Variants in USH2A observed in about 807,000 individuals in gnomAD.
The protein encoded by USH2A is Usher syndrome 2A (autosomal recessive, mild).
USH2A carries 443 observed loss-of-function variants against 538.9 expected under a neutral mutation model. That is an observed-to-expected ratio of 0.82 (90% confidence interval 0.76 to 0.89). The LOEUF (loss-of-function observed/expected upper bound fraction) is 0.89, where lower values mean the gene tolerates loss of function less well. Ranked by LOEUF, USH2A falls within the 40% of genes least tolerant of loss-of-function variation. The pLI, the probability that USH2A is intolerant of heterozygous loss-of-function variation, is 0.00. For missense variants in USH2A, 6,633 were observed against 6,324.8 expected, an observed-to-expected ratio of 1.05 and a Z score of -1.65; for synonymous variants, 2,413 against 2,273.5, an observed-to-expected ratio of 1.06 and a Z score of -1.75.
At chr1:215,846,159 T>TAA (rs974811910) in intron 44 of USH2A, 126 bp from the exon 45 acceptor site, 5 of 871,466 alleles carry the variant, frequency 5.7e-6, no homozygotes, top group Admixed American at 4.8e-5. Context: ...TTGGAAATGT[T>TAA]AAAAAAAGCT....
At chr1:215,654,129 C>T (rs1657166342) in intron 64 of USH2A, among the ~76,000 whole-genome samples, 1 of 152,068 alleles carries the variant, frequency 6.6e-6, no homozygotes. Context: ...TTGATTTATT[C>T]AGGATATTTT....
At chr1:215,813,676 C>A in intron 49 of USH2A, 60 bp downstream of exon 49, 1 of 1,608,932 alleles carries the variant, frequency 6.2e-7, no homozygotes, top group Non-Finnish European at 8.5e-7. Context: ...CTGACATGAA[C>A]CACGTGTTTA....
At position 215,665,691 on chromosome 1, in the gene USH2A, C is replaced by G. The variant is rs976918022; in HGVS notation, c.14133+5281G>C. ...TGCTGCTAAACAGTTAAGAACTGCT[C>G]CACATAGAATTTGGAGGTTCACACT... On this transcript the variant is annotated intron_variant, in intron 64 of 71. Transcript: ENST00000307340. Among the ~76,000 whole-genome samples the G allele has an allele frequency of 2.6e-5, 4 of 152,142 alleles. 1 individual carries two copies. The highest frequency in any genetic ancestry group is 5.9e-5 in the Non-Finnish European group (4 of 68,026).
chr1:216,228,827 A>C (rs1247492500), intron 14 of USH2A, among the ~76,000 whole-genome samples: 1 of 152,198 alleles, frequency 6.6e-6, no homozygotes, highest in African/African-American at 2.4e-5. Context: ...TCAATATAAC[A>C]GGAGCCAACT....
At chr1:215,673,934 T>C (rs570823906) in intron 63 of USH2A, among the ~76,000 whole-genome samples, 166 bp downstream of exon 63, 1 of 152,226 alleles carries the variant, frequency 6.6e-6, no homozygotes, top group African/African-American at 2.4e-5. Context: ...AAGCAGGCTT[T>C]GCTTGGGTGA....
At chr1:216,007,187 G>A (rs1668414228) in intron 32 of USH2A, among the ~76,000 whole-genome samples, 1 of 152,116 alleles carries the variant, frequency 6.6e-6, no homozygotes, top group South Asian at 2.1e-4. Flanking sequence ...ACATGCAACT[G>A]TAAGTCCATT....
chr1:215,768,351 C>T lies in USH2A; in HGVS notation c.10940-1563G>A, dbSNP rs184761437. ...AGGCACAAAGTGTGTGTTCGTTAAA[C>T]GAATGAAAAAATTACCCATCTCATC... is the stretch of plus-strand genomic sequence containing the variant. On this transcript the variant is annotated intron_variant, in intron 55 of 71. Transcript: ENST00000307340. Among the ~76,000 whole-genome samples, 229 of 152,240 alleles carry T rather than the reference C, an allele frequency of 1.5e-3. 1 individual carries two copies. The highest frequency in any genetic ancestry group is 1.8e-3 in the Non-Finnish European group (120 of 68,016).
intron 4 of USH2A, among the ~76,000 whole-genome samples, chr1:216,350,511 C>A (rs564902651): frequency 6.6e-5 from 10 of 152,070 alleles, no homozygotes; most frequent in Admixed American, 3.3e-4. Context: ...CCATTCCAAA[C>A]GGGATAAATC....
rs376663870 is a variant in USH2A at position 216,083,010 on chromosome 1, C to T, written c.5298+446G>A. 7.9e-5 allele frequency among the ~76,000 whole-genome samples: 12 copies of T among 152,134 alleles called. 1 individual carries two copies. Among genetic ancestry groups the T allele is most frequent in the Admixed American group, 2.0e-4 (3 of 15,260 alleles). On this transcript the variant is annotated intron_variant, in intron 26 of 71. Transcript: ENST00000307340. ...GGAGATGGAAACAAGATAGGAAAGA[C>T]TTTATAGATAGACCAAAAATGATAA...
chr1:216,351,672 G>A (rs2038289930), intron 4 of USH2A, among the ~76,000 whole-genome samples: 1 of 147,922 alleles, frequency 6.8e-6, no homozygotes, highest in South Asian at 2.1e-4. Flanking sequence ...AATTATGGCT[G>A]CTGTGTTGAG....
intron 30 of USH2A, among the ~76,000 whole-genome samples, chr1:216,067,945 G>A (rs1031544635): frequency 2.0e-5 from 3 of 151,966 alleles, no homozygotes; most frequent in African/African-American, 4.8e-5. Context: ...AAGAGAAGAC[G>A]GCCCAGTTCT....
chr1:215,741,335 T>C (rs1243677770), intron 60 of USH2A, 40 bp downstream of exon 60: 2 of 1,607,472 alleles, frequency 1.2e-6, no homozygotes, highest in African/African-American at 2.7e-5. Flanking sequence ...GCAGTACGCA[T>C]TCTTAAATAA....
At chr1:215,792,186 T>C (rs1466774007) in intron 50 of USH2A, among the ~76,000 whole-genome samples, 1 of 152,190 alleles carries the variant, frequency 6.6e-6, no homozygotes, top group Non-Finnish European at 1.5e-5. Context: ...TTGACCTAAT[T>C]TGAAACTCCT....
At chr1:215,650,897 CA>C in intron 64 of USH2A, 96 bp from the exon 65 acceptor site, 1 of 1,350,662 alleles carries the variant, frequency 7.4e-7, no homozygotes, top group Non-Finnish European at 1.0e-6. Flanking sequence ...AATTGGCAAC[CA>C]AAAGCAACTA....
At position 215,728,220 on chromosome 1, in the gene USH2A, T is replaced by C. The variant is rs1265476962; in HGVS notation, c.11876A>G (p.Gln3959Arg). Residue 3959 changes from glutamine (Q) to arginine (R), a missense_variant, in exon 61 of 72, where the codon CAA becomes CGA. Transcript: ENST00000307340. ...GSVESLWSLT[Q>R]TLEAPPQDFP... is the part of the protein sequence containing the mutation. The stretch of plus-strand genomic sequence containing the variant: ...ATCTTGAGGTGGAGCTTCCAGAGTT[T>C]GTGTTAATGACCACAGACTCTCCAC... The C allele has an allele frequency of 3.1e-6, 5 of 1,614,104 alleles. No homozygotes were observed. Among genetic ancestry groups the C allele is most frequent in the South Asian group, 2.2e-5 (2 of 91,088 alleles).
chr1:215,649,304 C>A (rs1656970117), intron 65 of USH2A, among the ~76,000 whole-genome samples: 5 of 152,142 alleles, frequency 3.3e-5, no homozygotes, highest in Admixed American at 3.3e-4. Context: ...TTGGTTTTTA[C>A]AAAATATCAT....
In USH2A at chr1:216,251,020, G is replaced by C; in HGVS notation, c.2050C>G (p.Gln684Glu). 1 of 1,614,042 alleles carries C rather than the reference G, an allele frequency of 6.2e-7. No individual in the cohort carries two copies. The highest frequency in any genetic ancestry group is 8.5e-7 in the Non-Finnish European group (1 of 1,179,990). The part of the protein sequence containing the change: ...NQCQNGFYNL[Q>E]ELDPDGCSPC... Reference sequence around the variant, plus strand: ...CTGCAGCCATCAGGATCCAACTCTTGTAGATTGTAGAATCCATTCTGGCAC... The same window carrying C: ...CTGCAGCCATCAGGATCCAACTCTTCTAGATTGTAGAATCCATTCTGGCAC... Residue 684 changes from glutamine (Q) to glutamate (E), a missense_variant, in exon 12 of 72, where the codon CAA (glutamine) becomes GAA (glutamate). Physicochemically the swap from Gln to Glu is conservative, Grantham distance 29. Coordinates refer to ENST00000307340, the MANE Select transcript of USH2A (RefSeq NM_206933.4).
At chr1:216,045,874 T>C (rs1211479722) in intron 32 of USH2A, among the ~76,000 whole-genome samples, 1 of 152,182 alleles carries the variant, frequency 6.6e-6, no homozygotes, top group Non-Finnish European at 1.5e-5. Flanking sequence ...TTCCATATTT[T>C]TTTAGCTTCA....
At chr1:216,236,896 T>C (rs987705769) in intron 13 of USH2A, among the ~76,000 whole-genome samples, 20 of 152,218 alleles carry the variant, frequency 1.3e-4, no homozygotes, top group African/African-American at 4.8e-4. Context: ...TTTCTATTTA[T>C]GTGAATACCC....
Sources: gnomAD v4.1 joint callset for allele counts (sites outside exome capture counted in the v4.1 genomes callset) on GRCh38, gnomAD v4.1.1 for gene constraint, MANE v1.5 for transcripts, NCBI Gene and HGNC (gene_info 2026-07-23, HGNC 2026-07-21) for gene names.